The following SEMA5A variants were observed in gnomAD, a reference collection of about 807,000 sequenced individuals.
SEMA5A encodes semaphorin 5A.
SEMA5A carries 55 observed loss-of-function variants against 135.5 expected under a neutral mutation model. The ratio of observed to expected loss-of-function variants is 0.41; its 90% CI spans 0.33 to 0.51. The LOEUF (loss-of-function observed/expected upper bound fraction) is 0.51, where lower values mean the gene tolerates loss of function less well. Ranked by LOEUF, SEMA5A falls within the 20% of genes least tolerant of loss-of-function variation. The probability of loss-of-function intolerance (pLI) is 0.37; values close to 1 mark genes in which losing one functional copy is unlikely to be tolerated. For synonymous variants in SEMA5A, 580 were observed against 546.5 expected (o/e 1.06, Z -0.85); for missense variants, 1,290 against 1,419.9 (o/e 0.91, Z 1.47).
intron 1 of SEMA5A, among the ~76,000 whole-genome samples, chr5:9,525,211 C>A (rs77267477): frequency 6.6e-6 from 1 of 152,148 alleles, no homozygotes; most frequent in Non-Finnish European, 1.5e-5. Flanking sequence ...GTTGTTTTCA[C>A]GCTACAACAG....
rs528488003 is a variant in SEMA5A, at chr5:9,233,792, A to G, written c.333+4036T>C. ...AGCTGAGGAATGCTCCCATCAGAAC[A>G]GCAAGTGGGCACAGGCAGTGTCCTC... On this transcript the variant is annotated intron_variant, in intron 6 of 22. Coordinates refer to ENST00000382496, the MANE Select transcript of SEMA5A (RefSeq NM_003966.3). Among the ~76,000 whole-genome samples the G allele has an allele frequency of 2.0e-5, 3 of 152,332 alleles. No homozygotes were observed. In the East Asian group the frequency reaches 5.8e-4, roughly 29 times the overall value.
chr5:9,491,155 G>A (rs963599148), intron 1 of SEMA5A, among the ~76,000 whole-genome samples: 5 of 152,122 alleles, frequency 3.3e-5, no homozygotes, highest in South Asian at 4.2e-4. Flanking sequence ...GGACAGAAAC[G>A]GTCATACTTA....
At chr5:9,199,208 T>C (rs1745573682) in intron 9 of SEMA5A, among the ~76,000 whole-genome samples, 1 of 152,160 alleles carries the variant, frequency 6.6e-6, no homozygotes, top group Admixed American at 6.5e-5. Flanking sequence ...GGCTCTGGTG[T>C]CACCCAGAGA....
chr5:9,062,879 C>T lies in SEMA5A; in HGVS notation c.2518+8G>A. On this transcript the variant is annotated splice_region_variant and intron_variant, in intron 18 of 22. Transcript: ENST00000382496. The stretch of plus-strand genomic sequence containing the variant: ...TCAGATGTTTTGTAGACTACACAAT[C>T]CACTTACCTGGGCAGGGCAAAATGT... 1 of 1,614,142 alleles carries T rather than the reference C, an allele frequency of 6.2e-7. No homozygotes were observed. The highest frequency in any genetic ancestry group is 8.5e-7 in the Non-Finnish European group (1 of 1,179,986).
chr5:9,184,440 G>A (rs1744699351), intron 11 of SEMA5A, among the ~76,000 whole-genome samples: 2 of 152,080 alleles, frequency 1.3e-5, no homozygotes, highest in Non-Finnish European at 2.9e-5. Context: ...TTGGGCACAA[G>A]TTTTTAGCTC....
chr5:9,181,206 CTCTT>C (rs1744490800), intron 11 of SEMA5A, among the ~76,000 whole-genome samples: 1 of 152,124 alleles, frequency 6.6e-6, no homozygotes, highest in African/African-American at 2.4e-5. Flanking sequence ...TTGGGGACCC[CTCTT>C]TCTTACTCCC....
intron 5 of SEMA5A, among the ~76,000 whole-genome samples, chr5:9,307,084 A>G (rs1330838085): frequency 6.6e-6 from 1 of 152,200 alleles, no homozygotes; most frequent in Non-Finnish European, 1.5e-5. Flanking sequence ...CATGTAAATA[A>G]TAACTGAGTA....
At chr5:9,468,446 C>T (rs1759345790) in intron 1 of SEMA5A, among the ~76,000 whole-genome samples, 1 of 152,036 alleles carries the variant, frequency 6.6e-6, no homozygotes, top group East Asian at 1.9e-4. Flanking sequence ...CTAAACAGTC[C>T]TTAGTGGGGG....
chr5:9,302,072 C>G (rs1051847277), intron 5 of SEMA5A, among the ~76,000 whole-genome samples: 1 of 152,136 alleles, frequency 6.6e-6, no homozygotes, highest in African/African-American at 2.4e-5. Flanking sequence ...TCAAATCCAT[C>G]TTCACATGGC....
chr5:9,389,336 G>T (rs1561212751), intron 2 of SEMA5A, among the ~76,000 whole-genome samples: 1 of 152,050 alleles, frequency 6.6e-6, no homozygotes, highest in Non-Finnish European at 1.5e-5. Flanking sequence ...CTAAAAACTG[G>T]TGACTCTCAA....
intron 8 of SEMA5A, among the ~76,000 whole-genome samples, chr5:9,223,911 G>A (rs1747148490): frequency 6.6e-6 from 1 of 152,158 alleles, no homozygotes. Flanking sequence ...AAGTGACCAA[G>A]TTCTGGCCCA....
intron 1 of SEMA5A, among the ~76,000 whole-genome samples, chr5:9,535,844 C>G (rs2126358734): frequency 6.6e-6 from 1 of 152,288 alleles, no homozygotes; most frequent in Non-Finnish European, 1.5e-5. Flanking sequence ...ACCCCACGGG[C>G]AGATGCTGGA....
chr5:9,268,127 G>A (rs1187818404), intron 5 of SEMA5A, among the ~76,000 whole-genome samples: 5 of 151,964 alleles, frequency 3.3e-5, no homozygotes, highest in African/African-American at 1.2e-4. Context: ...TGTTCTTGTA[G>A]GTAGTGCATT....
chr5:9,219,802 T>C (rs1746830745), intron 8 of SEMA5A, among the ~76,000 whole-genome samples: 1 of 152,020 alleles, frequency 6.6e-6, no homozygotes, highest in African/African-American at 2.4e-5. Flanking sequence ...ATACCCAAGA[T>C]TGAAAAACAA....
chr5:9,096,890 A>T (rs1239396778), intron 16 of SEMA5A, among the ~76,000 whole-genome samples: 3 of 152,150 alleles, frequency 2.0e-5, no homozygotes, highest in Admixed American at 6.5e-5. Context: ...AACCACTATG[A>T]GATGTCACCT....
At chr5:9,337,354 CT>C (rs1753435538) in intron 4 of SEMA5A, among the ~76,000 whole-genome samples, 1 of 152,288 alleles carries the variant, frequency 6.6e-6, no homozygotes, top group Non-Finnish European at 1.5e-5. Flanking sequence ...TCCATCTTTT[CT>C]TAGGCATATG....
intron 1 of SEMA5A, among the ~76,000 whole-genome samples, chr5:9,502,272 T>C (rs1367867836): frequency 1.3e-5 from 2 of 152,172 alleles, no homozygotes; most frequent in Non-Finnish European, 2.9e-5. Context: ...GTAACACGCA[T>C]AGTTGGAATT....
intron 3 of SEMA5A, among the ~76,000 whole-genome samples, chr5:9,362,859 C>T (rs1432301680): frequency 1.3e-5 from 2 of 152,096 alleles, no homozygotes; most frequent in Non-Finnish European, 2.9e-5. Flanking sequence ...TTTTTATGTG[C>T]AAAAGTGTCT....
intron 1 of SEMA5A, among the ~76,000 whole-genome samples, chr5:9,451,688 A>G (rs879076815): frequency 1.3e-5 from 2 of 152,216 alleles, no homozygotes; most frequent in Admixed American, 1.3e-4. Flanking sequence ...TCTGGAGTAC[A>G]CAGAGTTCTT....
Sources: allele counts gnomAD v4.1 joint callset (sites outside exome capture counted in the v4.1 genomes callset), GRCh38; gene constraint gnomAD v4.1.1; transcripts MANE v1.5; gene names NCBI Gene and HGNC (gene_info 2026-07-23, HGNC 2026-07-21).